The following RNFT2 variants were observed in gnomAD, a reference collection of about 807,000 sequenced individuals.
RNFT2 encodes the protein ring finger protein, transmembrane 2.
RNFT2 carries 36 observed loss-of-function variants against 53.0 expected under a neutral mutation model. The observed-to-expected ratio is 0.68, with a 90% CI of 0.52 to 0.90. The LOEUF (loss-of-function observed/expected upper bound fraction) is 0.90, where lower values mean the gene tolerates loss of function less well. RNFT2 is among the 40% of genes least tolerant of loss of function. RNFT2 has a pLI of 0.00. For synonymous variants in RNFT2, 260 were observed against 253.2 expected (o/e 1.03, Z -0.26); for missense variants, 514 against 585.6 (o/e 0.88, Z 1.26).
At chr12:116,805,188 C>G (rs1300165645) in intron 7 of RNFT2, among the ~76,000 whole-genome samples, 1 of 149,242 alleles carries the variant, frequency 6.7e-6, no homozygotes, top group Non-Finnish European at 1.5e-5. Context: ...ATCACTTCCT[C>G]TATCGCCCAC....
chr12:116,739,007 A>G (rs1325215909), intron 1 of RNFT2, among the ~76,000 whole-genome samples: 1 of 152,188 alleles, frequency 6.6e-6, no homozygotes, highest in Non-Finnish European at 1.5e-5. Context: ...TAATTTTTCA[A>G]AAGAGAAAGG....
In RNFT2 at chr12:116,822,309, A is replaced by C. The variant is rs1876081242; in HGVS notation, c.883-11483A>C. 2.0e-5 allele frequency among the ~76,000 whole-genome samples: 3 copies of C among 151,876 alleles called. No homozygotes were observed. The South Asian group carries it at 6.2e-4, about 32-fold the overall frequency. ...GGGAAGCAGGGCCATCATTTTGGCAAATGGCCCCAGGAGAAACAGGGTCTG... is the reference window on the plus strand; with the variant it reads ...GGGAAGCAGGGCCATCATTTTGGCACATGGCCCCAGGAGAAACAGGGTCTG... On this transcript the variant is annotated intron_variant, in intron 7 of 10. Coordinates refer to ENST00000257575, the MANE Select transcript of RNFT2 (RefSeq NM_001382266.1).
Position 116,849,798 on chromosome 12 carries a change from T to C in RNFT2, c.*350T>C, listed in dbSNP as rs1023760723. 2.9e-5 allele frequency: 27 copies of C among 925,932 alleles called. No homozygotes were observed. The African/African-American group carries it at 4.4e-4, about 15-fold the overall frequency. The allele number at this position is 925,932 out of a possible 1,614,324, so 57.4% of individuals were successfully genotyped here. ...CTCTTTCTTTTTTCTTTTCTTTTCT[T>C]TCTCTCTCTCTCTGTTTCCCTCCCT... On this transcript the variant is annotated 3_prime_UTR_variant, in exon 11 of 11. Coordinates refer to ENST00000257575, the MANE Select transcript of RNFT2 (RefSeq NM_001382266.1).
At chr12:116,743,213 T>TAAAAAAAACAAAAAAAAAAAAA (rs1871705811) in intron 3 of RNFT2, among the ~76,000 whole-genome samples, 1 of 10,678 alleles carries the variant, frequency 9.4e-5, no homozygotes. Flanking sequence ...AGGTAGAATC[T>TAAAAAAAACAAAAAAAAAAAAA]AAAAAAAAAA....
chr12:116,836,077 A>G, intron 9 of RNFT2, 52 bp downstream of exon 9: 1 of 1,608,912 alleles, frequency 6.2e-7, no homozygotes, highest in Non-Finnish European at 8.5e-7. Flanking sequence ...CAGGAACTGG[A>G]AACAGCAGCG....
At chr12:116,754,533 C>G (rs1359565832) in intron 5 of RNFT2, among the ~76,000 whole-genome samples, 1 of 152,166 alleles carries the variant, frequency 6.6e-6, no homozygotes. Flanking sequence ...AATGGTAGTT[C>G]TACTTTTAGT....
chr12:116,777,792 G>T (rs569954653), intron 6 of RNFT2, among the ~76,000 whole-genome samples: 8 of 152,282 alleles, frequency 5.3e-5, no homozygotes, highest in African/African-American at 1.9e-4. Context: ...TGAGAACCCT[G>T]AGGCTTCCAG....
intron 6 of RNFT2, among the ~76,000 whole-genome samples, chr12:116,767,266 G>A (rs1872959489): frequency 6.6e-6 from 1 of 152,036 alleles, no homozygotes; most frequent in Admixed American, 6.6e-5. Flanking sequence ...GCATCACCCA[G>A]GCTGGCAGTG....
At chr12:116,777,216 C>G (rs1873470483) in intron 6 of RNFT2, among the ~76,000 whole-genome samples, 2 of 152,058 alleles carry the variant, frequency 1.3e-5, no homozygotes, top group South Asian at 4.2e-4. Context: ...CCGTGCCCAG[C>G]CTCAAAATGG....
chr12:116,778,203 G>A (rs754044663), intron 6 of RNFT2, among the ~76,000 whole-genome samples: 1 of 152,048 alleles, frequency 6.6e-6, no homozygotes, highest in Non-Finnish European at 1.5e-5. Flanking sequence ...AGAGGGGACT[G>A]TTATGGTTGG....
chr12:116,808,794 A>G (rs908010646), intron 7 of RNFT2, among the ~76,000 whole-genome samples: 5 of 152,184 alleles, frequency 3.3e-5, no homozygotes, highest in Non-Finnish European at 5.9e-5. Context: ...TCCTGGGGAA[A>G]TTAGGAACAT....
At chr12:116,795,265 G>A (rs554592316) in intron 7 of RNFT2, among the ~76,000 whole-genome samples, 13 of 152,052 alleles carry the variant, frequency 8.5e-5, no homozygotes, top group Admixed American at 2.6e-4. Flanking sequence ...AAAATTAGCC[G>A]GGTGTGGTGG....
At chr12:116,742,869 G>A (rs1190560354) in intron 3 of RNFT2, among the ~76,000 whole-genome samples, 1 of 151,960 alleles carries the variant, frequency 6.6e-6, no homozygotes, top group Non-Finnish European at 1.5e-5. Context: ...GATTGCTTGA[G>A]CCCAGAAGTT....
At position 116,800,236 on chromosome 12, in the gene RNFT2, C is replaced by T. The variant is rs79139219; in HGVS notation, c.882+20888C>T. 8.0e-3 allele frequency among the ~76,000 whole-genome samples: 1,217 copies of T among 152,214 alleles called. 5 individuals carry two copies. The highest frequency in any genetic ancestry group is 0.027 in the African/African-American group (1,137 of 41,532). On this transcript the variant is annotated intron_variant, in intron 7 of 10. Transcript: ENST00000257575. Reference sequence around the variant, plus strand: ...TCTCAGCCGGGCATGGTGGCTCATGCCTGTAATCCCTGCACATTGGGAGGC... The same window carrying T: ...TCTCAGCCGGGCATGGTGGCTCATGTCTGTAATCCCTGCACATTGGGAGGC...
intron 8 of RNFT2, among the ~76,000 whole-genome samples, chr12:116,835,686 A>G (rs1340450708): frequency 2.6e-5 from 4 of 152,202 alleles, no homozygotes; most frequent in African/African-American, 9.7e-5. Flanking sequence ...TCGATTATCA[A>G]TGCCTGCTGT....
chr12:116,842,974 G>A (rs1023406524), intron 10 of RNFT2, among the ~76,000 whole-genome samples: 3 of 152,048 alleles, frequency 2.0e-5, no homozygotes, highest in Non-Finnish European at 2.9e-5. Flanking sequence ...CTGCTTTCTC[G>A]GCTCACGCTG....
At chr12:116,833,720 C>CG (rs1277031968) in intron 7 of RNFT2, 72 bp from the exon 8 acceptor site, 8 of 1,511,352 alleles carry the variant, frequency 5.3e-6, no homozygotes, top group South Asian at 3.5e-5. Flanking sequence ...CTGCCCGGGG[C>CG]GGGGGGCCCC....
chr12:116,818,028 G>A (rs887511427), intron 7 of RNFT2, among the ~76,000 whole-genome samples: 5 of 152,210 alleles, frequency 3.3e-5, no homozygotes, highest in African/African-American at 1.2e-4. Flanking sequence ...TTCGTTTAGG[G>A]AAACGGGAAA....
At chr12:116,798,351 A>G (rs1007297028) in intron 7 of RNFT2, among the ~76,000 whole-genome samples, 1 of 152,170 alleles carries the variant, frequency 6.6e-6, no homozygotes, top group African/African-American at 2.4e-5. Context: ...TTATCCATCT[A>G]TCTTAGAGAT....
Sources: gnomAD v4.1 joint callset for allele counts (sites outside exome capture counted in the v4.1 genomes callset) on GRCh38, gnomAD v4.1.1 for gene constraint, MANE v1.5 for transcripts, NCBI Gene and HGNC (gene_info 2026-07-23, HGNC 2026-07-21) for gene names.